Variants in CELF2 observed in about 807,000 individuals in gnomAD.
The protein encoded by CELF2 is CUGBP Elav-like family member 2.
Under a neutral mutation model 62.6 loss-of-function variants are expected in CELF2, and 8 were observed. The observed-to-expected ratio is 0.13, with a 90% CI of 0.07 to 0.23. The LOEUF is 0.23. Ranked by LOEUF, CELF2 falls within the 10% of genes least tolerant of loss-of-function variation. CELF2 has a pLI of 1.00. For synonymous variants in CELF2, 258 were observed against 250.0 expected (o/e 1.03, Z -0.30); for missense variants, 333 against 671.0 (o/e 0.50, Z 5.56).
At chr10:11,313,986 T>C (rs1352067595) in intron 9 of CELF2, among the ~76,000 whole-genome samples, 153 bp from the exon 10 acceptor site, 1 of 152,130 alleles carries the variant, frequency 6.6e-6, no homozygotes, top group Admixed American at 6.5e-5. Context: ...TCTGTCAAAA[T>C]TGCCACAAGT....
chr10:10,694,351 G>C, the CELF2 span, among the ~76,000 whole-genome samples: 1 of 150,804 alleles, frequency 6.6e-6, no homozygotes, highest in Admixed American at 6.6e-5. Context: ...CTGAGTTCTA[G>C]TTTGATTGCA....
chr10:11,074,285 A>G (rs771289901), intron 1 of CELF2, among the ~76,000 whole-genome samples: 8 of 152,210 alleles, frequency 5.3e-5, no homozygotes, highest in Admixed American at 1.3e-4. Context: ...CATTTTTTTA[A>G]AAATATATTC....
chr10:10,572,306 A>G, the CELF2 span, among the ~76,000 whole-genome samples: 3 of 151,894 alleles, frequency 2.0e-5, no homozygotes, highest in African/African-American at 7.2e-5. Context: ...CTCAGGATTC[A>G]TGAAACAGTT....
chr10:10,509,823 A>G, the CELF2 span, among the ~76,000 whole-genome samples: 1 of 152,190 alleles, frequency 6.6e-6, no homozygotes, highest in African/African-American at 2.4e-5. Context: ...AAAAGCCCCT[A>G]CAGTACATTG....
chr10:10,876,166 A>G (rs1394183099), intron 1 of CELF2, among the ~76,000 whole-genome samples: 1 of 152,148 alleles, frequency 6.6e-6, no homozygotes, highest in Non-Finnish European at 1.5e-5. Context: ...GGTTTGTGCA[A>G]AGGACCACAT....
the CELF2 span, among the ~76,000 whole-genome samples, chr10:10,657,757 T>C: frequency 4.6e-5 from 7 of 152,190 alleles, no homozygotes; most frequent in Non-Finnish European, 8.8e-5. Flanking sequence ...AGGTTTTCCA[T>C]TGTATTCATG....
intron 1 of CELF2, among the ~76,000 whole-genome samples, chr10:10,825,359 G>A (rs1216174749): frequency 6.6e-6 from 1 of 152,110 alleles, no homozygotes; most frequent in South Asian, 2.1e-4. Context: ...ACAGGCGCCC[G>A]CCACCAAGCC....
chr10:11,301,069 T>C lies in CELF2; in HGVS notation c.976+12517T>C, dbSNP rs142917219. ...AAGCAAGCCAGTTTCTGGGACAGAC[T>C]TAACGCTAGACATGCCCTGCAGATA... On this transcript the variant is annotated intron_variant, in intron 9 of 12. Transcript: ENST00000633077. 1.7e-3 allele frequency among the ~76,000 whole-genome samples: 255 copies of C among 152,284 alleles called. 2 individuals are homozygous for C. Among genetic ancestry groups the C allele is most frequent in the African/African-American group, 5.8e-3 (242 of 41,546 alleles).
rs118139219 is a variant in CELF2 at position 11,098,825 on chromosome 10, C to T, written c.75-66661C>T. On this transcript the variant is annotated intron_variant, in intron 1 of 12. Transcript: ENST00000633077. The surrounding 1 kb of genome is among the most constrained non-coding windows in gnomAD (Gnocchi z 4.0). ...TGACCGAGGCTTCTTGGCTCTGCAC[C>T]GGGTGATAATTCTACCTGGGCAGCA... Among the ~76,000 whole-genome samples the T allele has an allele frequency of 5.9e-5, 9 of 152,260 alleles. No homozygotes were observed. The East Asian group carries it at 1.5e-3, about 26-fold the overall frequency.
chr10:11,050,606 G>A (rs1364955434), intron 1 of CELF2, among the ~76,000 whole-genome samples: 1 of 152,148 alleles, frequency 6.6e-6, no homozygotes, highest in East Asian at 1.9e-4. Flanking sequence ...ATATTGGGTT[G>A]AGCACTTAGC....
At chr10:11,253,846 A>G (rs1255093594) in intron 4 of CELF2, among the ~76,000 whole-genome samples, 1 of 152,192 alleles carries the variant, frequency 6.6e-6, no homozygotes, top group African/African-American at 2.4e-5. Flanking sequence ...CTTCATGTGT[A>G]AAAGCATTTC....
At chr10:10,953,523 TG>T (rs1240210688) in intron 2 of CELF2, among the ~76,000 whole-genome samples, 1 of 152,226 alleles carries the variant, frequency 6.6e-6, no homozygotes, top group Non-Finnish European at 1.5e-5. Context: ...TCTTGTATAT[TG>T]TTCTTCTCTA....
At chr10:10,541,407 A>C in the CELF2 span, among the ~76,000 whole-genome samples, 1 of 152,150 alleles carries the variant, frequency 6.6e-6, no homozygotes, top group Non-Finnish European at 1.5e-5. Context: ...ATGTGAAAGC[A>C]AGTTTATTAA....
At chr10:10,584,658 G>A in the CELF2 span, among the ~76,000 whole-genome samples, 2 of 152,144 alleles carry the variant, frequency 1.3e-5, no homozygotes, top group Non-Finnish European at 2.9e-5. Context: ...CACTTGTGGA[G>A]CTTACTAACA....
At chr10:10,745,128 CA>C in the CELF2 span, among the ~76,000 whole-genome samples, 2 of 98,396 alleles carry the variant, frequency 2.0e-5, no homozygotes, top group African/African-American at 3.6e-5. Flanking sequence ...AAAAAAAAAA[CA>C]AAACAAAAAA....
At chr10:10,693,970 A>T in the CELF2 span, among the ~76,000 whole-genome samples, 4 of 151,400 alleles carry the variant, frequency 2.6e-5, no homozygotes, top group African/African-American at 9.8e-5. Context: ...CAGCTCCTGG[A>T]TTCATTAATT....
the CELF2 span, among the ~76,000 whole-genome samples, chr10:10,571,369 A>G: frequency 2.6e-5 from 4 of 152,236 alleles, no homozygotes; most frequent in Non-Finnish European, 5.9e-5. Context: ...ATTGCTTAAA[A>G]TAGTAAATAT....
chr10:11,241,444 C>T (rs543247808), intron 3 of CELF2, among the ~76,000 whole-genome samples: 42 of 152,296 alleles, frequency 2.8e-4, no homozygotes, highest in African/African-American at 1.0e-3. Flanking sequence ...AAGTGATCCA[C>T]CCACCTTGGC....
chr10:11,066,135 A>C (rs369968413), intron 1 of CELF2, among the ~76,000 whole-genome samples: 22 of 152,178 alleles, frequency 1.4e-4, no homozygotes, highest in African/African-American at 5.3e-4. Flanking sequence ...GTCAGCAGTT[A>C]GGTTTTCCAT....
Sources: gnomAD v4.1 joint callset for allele counts (sites outside exome capture counted in the v4.1 genomes callset) on GRCh38, gnomAD v4.1.1 for gene constraint, Gnocchi (gnomAD v3.1) non-coding constraint, MANE v1.5 for transcripts, NCBI Gene and HGNC (gene_info 2026-07-23, HGNC 2026-07-21) for gene names.